Variants in FBN2 observed in about 807,000 individuals in gnomAD.
FBN2 encodes the protein fibrillin 2.
FBN2 carries 105 observed loss-of-function variants against 355.6 expected under a neutral mutation model. The ratio of observed to expected loss-of-function variants is 0.30; its 90% CI spans 0.25 to 0.35. The LOEUF is 0.35. FBN2 is among the 10% of genes least tolerant of loss of function. The probability of loss-of-function intolerance (pLI) is 1.00; values close to 1 mark genes in which losing one functional copy is unlikely to be tolerated. For missense variants in FBN2, 3,280 were observed against 3,758.7 expected (o/e 0.87, Z 3.33); for synonymous variants, 1,350 against 1,301.2 (o/e 1.04, Z -0.81).
intron 7 of FBN2, among the ~76,000 whole-genome samples, chr5:128,423,478 C>T (rs1753406106): frequency 6.6e-6 from 1 of 152,088 alleles, no homozygotes; most frequent in African/African-American, 2.4e-5. Context: ...ATCAGAAGAA[C>T]AGCTTGAGAA....
intron 4 of FBN2, 141 bp downstream of exon 4, chr5:128,527,731 T>C: frequency 3.1e-6 from 2 of 639,750 alleles, no homozygotes. Context: ...AGGATAAAAA[T>C]TAGAAATTCA....
intron 6 of FBN2, among the ~76,000 whole-genome samples, chr5:128,458,277 T>C (rs1029909211): frequency 6.7e-6 from 1 of 150,306 alleles, no homozygotes; most frequent in African/African-American, 2.4e-5. Flanking sequence ...AACTCTTCTG[T>C]TGAATTCATA....
At chr5:128,515,108 C>G (rs750848873) in intron 5 of FBN2, among the ~76,000 whole-genome samples, 1 of 152,134 alleles carries the variant, frequency 6.6e-6, no homozygotes, top group African/African-American at 2.4e-5. Flanking sequence ...GAACTTGAGT[C>G]TGGGTCTACA....
intron 45 of FBN2, 119 bp downstream of exon 45, chr5:128,304,838 T>C (rs1396837126): frequency 7.4e-7 from 1 of 1,347,946 alleles, no homozygotes; most frequent in Non-Finnish European, 1.1e-6. Context: ...ACCTAGTTAA[T>C]TTTTTGCAAG....
chr5:128,335,560 T>C lies in FBN2; in HGVS notation c.3742A>G (p.Ile1248Val), dbSNP rs144933639. ...QGCTDIDECM[I>V]MNGGCDTQCT... The stretch of plus-strand genomic sequence containing the variant: ...TGGGTGTCACAGCCTCCGTTCATTA[T>C]CATACATTCATCAATATCTGTGAAA... The change falls in exon 29 of 65, where the codon ATA becomes GTA. Residue 1248 changes from isoleucine to valine, a missense_variant. Physicochemically the swap from Ile to Val is conservative, Grantham distance 29. Coordinates refer to ENST00000262464, the MANE Select transcript of FBN2 (RefSeq NM_001999.4). 1.5e-5 allele frequency: 24 copies of C among 1,614,076 alleles called. No individual in the cohort carries two copies. In the African/African-American group the frequency reaches 2.3e-4, roughly 15 times the overall value.
In FBN2 at chr5:128,395,061, G is replaced by A. The variant is rs540332878; in HGVS notation, c.1231+61C>T. ...TTGGTCTCCCAGAGAGCAAAATACA[G>A]TACTGCTACTAATTTTCCTAACAGT... On this transcript the variant is annotated intron_variant, in intron 9 of 64. Coordinates refer to ENST00000262464, the MANE Select transcript of FBN2 (RefSeq NM_001999.4). The A allele has an allele frequency of 6.9e-6, 11 of 1,587,164 alleles. No individual in the cohort carries two copies. The African/African-American group carries it at 1.1e-4, about 15-fold the overall frequency.
At chr5:128,524,042 G>T (rs1165481698) in intron 4 of FBN2, among the ~76,000 whole-genome samples, 6 of 151,966 alleles carry the variant, frequency 3.9e-5, no homozygotes, top group Non-Finnish European at 7.4e-5. Flanking sequence ...TATTTAGGCT[G>T]TAGTCCAAAT....
intron 20 of FBN2, among the ~76,000 whole-genome samples, chr5:128,355,632 T>C (rs1209578475): frequency 1.3e-5 from 2 of 152,218 alleles, no homozygotes; most frequent in South Asian, 2.1e-4. Context: ...GACAGTCCTA[T>C]TATACATTCA....
intron 5 of FBN2, among the ~76,000 whole-genome samples, chr5:128,481,541 C>A (rs981153516): frequency 6.6e-6 from 1 of 152,030 alleles, no homozygotes; most frequent in Non-Finnish European, 1.5e-5. Context: ...TCCAAAGAAA[C>A]CCCAGTTGAG....
chr5:128,302,387 C>G (rs1023869044), intron 46 of FBN2, among the ~76,000 whole-genome samples: 15 of 152,236 alleles, frequency 9.9e-5, no homozygotes, highest in African/African-American at 3.6e-4. Context: ...CTCCCACTCA[C>G]TATGTTTCCA....
intron 40 of FBN2, 68 bp from the exon 41 acceptor site, chr5:128,309,467 G>A: frequency 7.4e-7 from 1 of 1,359,422 alleles, no homozygotes; most frequent in Non-Finnish European, 1.0e-6. Flanking sequence ...AGCCCACACA[G>A]CTGTAGACAT....
intron 64 of FBN2, 121 bp downstream of exon 64, chr5:128,261,615 T>C (rs1177258064): frequency 1.2e-5 from 10 of 856,902 alleles, no homozygotes; most frequent in Non-Finnish European, 1.8e-5. Context: ...GGTCCATTAA[T>C]TTATCCATTA....
intron 8 of FBN2, 31 bp downstream of exon 8, chr5:128,408,643 G>A: frequency 6.2e-7 from 1 of 1,613,390 alleles, no homozygotes; most frequent in African/African-American, 1.3e-5. Flanking sequence ...TAAAGACCCA[G>A]TGTATTGAGC....
intron 5 of FBN2, among the ~76,000 whole-genome samples, chr5:128,497,794 G>C (rs1755696453): frequency 6.6e-6 from 1 of 152,082 alleles, no homozygotes; most frequent in Non-Finnish European, 1.5e-5. Context: ...AGGAGAGTTT[G>C]TTTCATAATT....
At position 128,286,836 on chromosome 5, in the gene FBN2, A is replaced by ACG; in HGVS notation, c.6893_6894insCG (p.Ala2299ValfsTer13). On this transcript the variant is annotated frameshift_variant, in exon 55 of 65. Coordinates refer to ENST00000262464, the MANE Select transcript of FBN2 (RefSeq NM_001999.4). LOFTEE classifies it high-confidence loss of function. The stretch of plus-strand genomic sequence containing the variant: ...ATTCACAGTCGTGTAACCCTTCAGC[A>ACG]CATTCATCCAGATCTAGAACAAAAA... 6.2e-7 allele frequency: 1 copy of ACG among 1,614,126 alleles called. No homozygotes were observed. The highest frequency in any genetic ancestry group is 8.5e-7 in the Non-Finnish European group (1 of 1,179,936).
Position 128,303,020 on chromosome 5 carries a change from C to T in FBN2, c.5870G>A (p.Cys1957Tyr). 1 of 1,612,358 alleles carries T rather than the reference C, an allele frequency of 6.2e-7. No homozygotes were observed. The highest frequency in any genetic ancestry group is 8.5e-7 in the Non-Finnish European group (1 of 1,178,466). Residue 1957 changes from cysteine to tyrosine, a missense_variant, in exon 46 of 65, where the codon TGT (cysteine) becomes TAT (tyrosine). By Grantham distance (194) the Cys-to-Tyr change is radical. Coordinates refer to ENST00000262464, the MANE Select transcript of FBN2 (RefSeq NM_001999.4). ...GAGTTCAAACCCTGGGTAGCACAGA[C>T]AGTTATAGGATCCAACGGTGTTTTT... ...TCKNTVGSYNCLCYPGFELTH... is the reference protein window; with the variant it reads ...TCKNTVGSYNYLCYPGFELTH...
chr5:128,289,489 T>G (rs1749258774), intron 51 of FBN2, among the ~76,000 whole-genome samples: 1 of 152,048 alleles, frequency 6.6e-6, no homozygotes, highest in Non-Finnish European at 1.5e-5. Flanking sequence ...TTGGGGAGAC[T>G]GAGGCAGGAG....
chr5:128,347,547 G>C (rs1464711368), intron 23 of FBN2, among the ~76,000 whole-genome samples: 2 of 152,076 alleles, frequency 1.3e-5, no homozygotes, highest in East Asian at 3.9e-4. Flanking sequence ...TACATGCTTG[G>C]CTCCTGCAAG....
At chr5:128,339,639 C>A (rs1199621580) in intron 25 of FBN2, among the ~76,000 whole-genome samples, 1 of 152,292 alleles carries the variant, frequency 6.6e-6, no homozygotes, top group East Asian at 1.9e-4. Flanking sequence ...AACCCTGCAA[C>A]TGTGGTATGG....
Sources: gnomAD v4.1 joint callset for allele counts (sites outside exome capture counted in the v4.1 genomes callset) on GRCh38, gnomAD v4.1.1 for gene constraint, MANE v1.5 for transcripts, NCBI Gene and HGNC (gene_info 2026-07-23, HGNC 2026-07-21) for gene names.